The following OR2L13 variants were observed in gnomAD, a reference collection of about 807,000 sequenced individuals.
OR2L13 encodes the protein olfactory receptor 2L13.
OR2L13 carries 14 observed loss-of-function variants against 15.3 expected under a neutral mutation model. The observed-to-expected ratio is 0.91, with a 90% CI of 0.60 to 1.43. OR2L13 has a LOEUF of 1.43. OR2L13 is among the 40% of genes most tolerant of loss of function. The pLI is 0.00. For missense variants in OR2L13, 367 were observed against 387.9 expected (o/e 0.95, Z 0.45); for synonymous variants, 152 against 142.9 (o/e 1.06, Z -0.45).
the OR2L13 span, chr1:248,022,779 A>G: frequency 6.2e-7 from 1 of 1,613,998 alleles, no homozygotes; most frequent in Non-Finnish European, 8.5e-7. Flanking sequence ...TGTTTTCTAC[A>G]CCATCCTCAC....
the OR2L13 span, among the ~76,000 whole-genome samples, chr1:248,014,384 T>A: frequency 4.8e-3 from 726 of 152,246 alleles, 21 homozygotes; most frequent in East Asian, 0.079. Context: ...ACCATATGAT[T>A]AGTAGCTATG....
At chr1:247,943,755 A>C in the OR2L13 span, among the ~76,000 whole-genome samples, 1 of 152,124 alleles carries the variant, frequency 6.6e-6, no homozygotes, top group African/African-American at 2.4e-5. Context: ...AAGCATCTGT[A>C]TCATTTTCCA....
At chr1:248,038,950 A>G in the OR2L13 span, 1 of 1,613,930 alleles carries the variant, frequency 6.2e-7, no homozygotes, top group Non-Finnish European at 8.5e-7. Flanking sequence ...TACCGCATGC[A>G]CTCTGCAGAA....
the OR2L13 span, among the ~76,000 whole-genome samples, chr1:248,043,470 T>C: frequency 6.6e-6 from 1 of 152,182 alleles, no homozygotes; most frequent in African/African-American, 2.4e-5. Context: ...GGAGAAATAT[T>C]CATGGGAGAA....
chr1:247,953,283 T>C, the OR2L13 span, among the ~76,000 whole-genome samples: 3 of 152,202 alleles, frequency 2.0e-5, no homozygotes, highest in East Asian at 1.9e-4. Flanking sequence ...GCAAATGTTA[T>C]GCTGTGGTTA....
chr1:247,957,059 C>T, the OR2L13 span, among the ~76,000 whole-genome samples: 1 of 152,156 alleles, frequency 6.6e-6, no homozygotes, highest in African/African-American at 2.4e-5. Flanking sequence ...TTTGCCCATT[C>T]AATATGATAT....
chr1:247,990,523 T>C, the OR2L13 span: 8 of 1,574,860 alleles, frequency 5.1e-6, no homozygotes, highest in Non-Finnish European at 7.0e-6. Context: ...GATTTTTCTG[T>C]ATGGAAACAA....
At chr1:247,959,210 T>G in the OR2L13 span, among the ~76,000 whole-genome samples, 1 of 152,034 alleles carries the variant, frequency 6.6e-6, no homozygotes, top group Admixed American at 6.5e-5. Flanking sequence ...GAAGCTTAGT[T>G]TGGCTGGATA....
upstream of OR2L13, among the ~76,000 whole-genome samples, chr1:248,095,829 A>T (rs189630863): frequency 8.7e-5 from 13 of 149,582 alleles, no homozygotes; most frequent in Admixed American, 8.0e-4. Flanking sequence ...CTGGTCCCGA[A>T]CTCCTGACCT....
At chr1:248,083,932 C>T in the OR2L13 span, 1 of 1,611,508 alleles carries the variant, frequency 6.2e-7, no homozygotes. Context: ...TGCAGAACAG[C>T]AGCGAGGATG....
the OR2L13 span, chr1:248,022,098 G>A: frequency 6.2e-7 from 1 of 1,613,648 alleles, no homozygotes; most frequent in Non-Finnish European, 8.5e-7. Flanking sequence ...CATCTTCTTG[G>A]ACACCCATCT....
chr1:248,001,095 G>T, the OR2L13 span, among the ~76,000 whole-genome samples: 1 of 151,944 alleles, frequency 6.6e-6, no homozygotes, highest in African/African-American at 2.4e-5. Flanking sequence ...TCATAGGTTT[G>T]TGTGTGTGTA....
the OR2L13 span, among the ~76,000 whole-genome samples, chr1:247,959,642 CT>C: frequency 6.6e-6 from 1 of 152,010 alleles, no homozygotes; most frequent in Non-Finnish European, 1.5e-5. Flanking sequence ...TTGTTCATTT[CT>C]TTTTATTCTT....
the OR2L13 span, among the ~76,000 whole-genome samples, chr1:247,985,621 A>G: frequency 6.6e-6 from 1 of 152,174 alleles, no homozygotes; most frequent in African/African-American, 2.4e-5. Flanking sequence ...TTGGTTATAT[A>G]CGCAGTAATG....
the OR2L13 span, chr1:247,965,870 A>C: frequency 6.2e-7 from 1 of 1,613,784 alleles, no homozygotes; most frequent in Non-Finnish European, 8.5e-7. Context: ...TATGTGTTTC[A>C]GCTTCCATTC....
the OR2L13 span, among the ~76,000 whole-genome samples, chr1:248,059,872 T>G: frequency 1.7e-3 from 262 of 152,148 alleles, 1 homozygote; most frequent in Non-Finnish European, 3.1e-3. Flanking sequence ...CAAGACTTCA[T>G]GTCTACAAAA....
chr1:247,957,810 G>A, the OR2L13 span, among the ~76,000 whole-genome samples: 34 of 151,978 alleles, frequency 2.2e-4, no homozygotes, highest in Non-Finnish European at 4.7e-4. Flanking sequence ...ATTTTTTATT[G>A]TATCTATTTG....
At chr1:247,976,592 G>A in the OR2L13 span, among the ~76,000 whole-genome samples, 1 of 152,188 alleles carries the variant, frequency 6.6e-6, no homozygotes, top group Admixed American at 6.5e-5. Flanking sequence ...CAAACATCAT[G>A]TTGTACAGTT....
the OR2L13 span, among the ~76,000 whole-genome samples, chr1:247,958,080 G>A: frequency 2.6e-5 from 4 of 152,068 alleles, no homozygotes; most frequent in Non-Finnish European, 4.4e-5. Context: ...TGGGCATTTA[G>A]TGCTATTAAT....
Sources: gnomAD v4.1 joint callset for allele counts (sites outside exome capture counted in the v4.1 genomes callset) on GRCh38, gnomAD v4.1.1 for gene constraint, MANE v1.5 for transcripts, NCBI Gene and HGNC (gene_info 2026-07-23, HGNC 2026-07-21) for gene names.